Variants in NF2 observed in about 807,000 individuals in gnomAD.
NF2 encodes NF2, moesin-ezrin-radixin like (MERLIN) tumor suppressor, also known as merlin.
NF2 carries 8 observed loss-of-function variants against 83.7 expected under a neutral mutation model. The observed-to-expected ratio is 0.10, with a 90% confidence interval of 0.06 to 0.17. The LOEUF (loss-of-function observed/expected upper bound fraction) is 0.17, where lower values mean the gene tolerates loss of function less well. Among genes scored for constraint, NF2 ranks in the 10% least tolerant of loss-of-function variants. The pLI is 1.00. For missense variants in NF2, 533 were observed against 744.4 expected, an observed-to-expected ratio of 0.72 and a Z score of 3.31; for synonymous variants, 266 against 269.6, an observed-to-expected ratio of 0.99 and a Z score of 0.13.
intron 10 of NF2, among the ~76,000 whole-genome samples, chr22:29,668,723 GC>G (rs1298099689): frequency 2.6e-5 from 4 of 152,220 alleles, no homozygotes; most frequent in Non-Finnish European, 5.9e-5. Flanking sequence ...GGATGAAATA[GC>G]CAAGAGTGCA....
At chr22:29,610,504 A>G (rs569328265) in intron 1 of NF2, among the ~76,000 whole-genome samples, 3 of 151,634 alleles carry the variant, frequency 2.0e-5, no homozygotes, top group East Asian at 3.9e-4. Context: ...TTAGCCGAGC[A>G]TGGTGGAGTG....
At chr22:29,676,540 C>T (rs918008997) in intron 13 of NF2, among the ~76,000 whole-genome samples, 40 of 152,156 alleles carry the variant, frequency 2.6e-4, no homozygotes, top group Admixed American at 7.2e-4. Context: ...CTGCTCTTTC[C>T]TCTTAGCAGT....
chr22:29,644,593 G>A (rs1258959171), intron 4 of NF2, among the ~76,000 whole-genome samples: 29 of 151,140 alleles, frequency 1.9e-4, no homozygotes, highest in Middle Eastern at 3.4e-3. Flanking sequence ...AGGTTGTAGC[G>A]AGCCGAGATC....
At chr22:29,664,198 CTT>C (rs1259316262) in intron 8 of NF2, among the ~76,000 whole-genome samples, 1 of 152,176 alleles carries the variant, frequency 6.6e-6, no homozygotes, top group East Asian at 1.9e-4. Flanking sequence ...GCCTCAAACT[CTT>C]GGCCTCAAGC....
At chr22:29,661,483 C>T (rs1026524383) in intron 8 of NF2, 144 bp downstream of exon 8, 23 of 1,269,212 alleles carry the variant, frequency 1.8e-5, no homozygotes, top group African/African-American at 1.5e-4. Flanking sequence ...TGTTGATTTT[C>T]GAAGTCTTTA....
chr22:29,653,682 C>T (rs528634754), intron 4 of NF2, among the ~76,000 whole-genome samples: 1 of 152,260 alleles, frequency 6.6e-6, no homozygotes, highest in Non-Finnish European at 1.5e-5. Flanking sequence ...CACCAGAAGT[C>T]TTAACTTGAG....
At position 29,678,237 on chromosome 22, in the gene NF2, A is replaced by C. The variant is rs1310563343; in HGVS notation, c.1488A>C (p.Pro496=). The C allele has an allele frequency of 3.7e-6, 6 of 1,614,024 alleles. No individual in the cohort carries two copies. The African/African-American group carries it at 8.0e-5, about 22-fold the overall frequency. The change falls in exon 14 of 16, where the codon CCA becomes CCC. Residue 496 remains proline, a synonymous_variant. Coordinates refer to ENST00000338641, the MANE Select transcript of NF2 (RefSeq NM_000268.4). ...PIPAPLPPDI[P]SFNLIGDSLS... Reference sequence around the variant, plus strand: ...CAGCACCGTTGCCTCCTGACATACCAAGCTTCAACCTCATTGGTGACAGCC... The same window carrying C: ...CAGCACCGTTGCCTCCTGACATACCCAGCTTCAACCTCATTGGTGACAGCC...
At chr22:29,657,109 A>C (rs956210007) in intron 6 of NF2, among the ~76,000 whole-genome samples, 34 of 152,172 alleles carry the variant, frequency 2.2e-4, no homozygotes, top group Non-Finnish European at 7.4e-5. Flanking sequence ...AGGTGAAAAC[A>C]CCAGAGGAAG....
intron 1 of NF2, among the ~76,000 whole-genome samples, chr22:29,622,326 T>G (rs2065235665): frequency 6.6e-6 from 1 of 152,226 alleles, no homozygotes; most frequent in Non-Finnish European, 1.5e-5. Context: ...AAGTGGACAT[T>G]TTCTGTAAGT....
chr22:29,671,366 T>TA (rs2066779408), intron 10 of NF2, among the ~76,000 whole-genome samples: 1 of 152,060 alleles, frequency 6.6e-6, no homozygotes, highest in Non-Finnish European at 1.5e-5. Context: ...TGATCTCTAC[T>TA]AAAAATACAA....
rs1569309694 is a variant in NF2 at position 29,678,296 on chromosome 22, G to A, written c.1547G>A (p.Arg516Gln). 4.3e-6 allele frequency: 7 copies of A among 1,614,032 alleles called. No homozygotes were observed. The highest frequency in any genetic ancestry group is 5.9e-6 in the Non-Finnish European group (7 of 1,179,944). ...GACTTCAAAGATACTGACATGAAGC[G>A]GCTTTCCATGGAGATAGAGAAAGAA... ...SFDFKDTDMK[R>Q]LSMEIEKEKV... Residue 516 changes from arginine to glutamine, a missense_variant, in exon 14 of 16, where the codon CGG becomes CAG. Transcript: ENST00000338641.
At chr22:29,651,304 A>G (rs548230578) in intron 4 of NF2, among the ~76,000 whole-genome samples, 57 of 152,354 alleles carry the variant, frequency 3.7e-4, no homozygotes, top group Admixed American at 2.3e-3. Context: ...AAGTCTTTTA[A>G]ATGGTAAACT....
chr22:29,646,320 G>A (rs2065981227), intron 4 of NF2, among the ~76,000 whole-genome samples: 1 of 152,216 alleles, frequency 6.6e-6, no homozygotes, highest in South Asian at 2.1e-4. Flanking sequence ...GAGCTGGGAT[G>A]GGAACCCTAG....
chr22:29,687,118 C>G (rs1376453637), intron 15 of NF2, among the ~76,000 whole-genome samples: 2 of 152,194 alleles, frequency 1.3e-5, no homozygotes, highest in African/African-American at 2.4e-5. Flanking sequence ...TTCAGTCTCC[C>G]GATCCTGAGC....
chr22:29,680,300 T>C (rs2067092482), intron 14 of NF2, among the ~76,000 whole-genome samples: 1 of 152,090 alleles, frequency 6.6e-6, no homozygotes, highest in South Asian at 2.1e-4. Flanking sequence ...TTAGTAGAGA[T>C]GGGGTTTCAC....
intron 13 of NF2, among the ~76,000 whole-genome samples, chr22:29,676,917 G>T (rs1052371091): frequency 8.0e-6 from 1 of 125,616 alleles, no homozygotes; most frequent in Non-Finnish European, 1.9e-5. Context: ...ACAGTTTGAA[G>T]AATTTTCACA....
rs1023458854 is a variant in NF2 at position 29,695,239 on chromosome 22, C to T, written c.*437C>T. On this transcript the variant is annotated 3_prime_UTR_variant, in exon 16 of 16. Transcript: ENST00000338641. The surrounding 1 kb of genome is among the most constrained non-coding windows in gnomAD (Gnocchi z 5.4). ...CAGGGTTCCGGAACATTCATTCCCC[C>T]ACCGGTGAGGACCTGGCATGCAGCG... The T allele has an allele frequency of 5.6e-6, 2 of 357,808 alleles. No homozygotes were observed. Among genetic ancestry groups the T allele is most frequent in the South Asian group, 7.9e-5 (2 of 25,416 alleles). 22.2% of individuals were successfully genotyped at this position (357,808 alleles called of 1,614,324 possible).
chr22:29,653,877 T>C (rs1343202819), intron 4 of NF2, among the ~76,000 whole-genome samples: 3 of 152,266 alleles, frequency 2.0e-5, no homozygotes, highest in Non-Finnish European at 2.9e-5. Context: ...CGCTGATTGA[T>C]AAGAGATAGG....
At chr22:29,616,265 A>G (rs183577209) in intron 1 of NF2, among the ~76,000 whole-genome samples, 1 of 152,330 alleles carries the variant, frequency 6.6e-6, no homozygotes, top group Admixed American at 6.5e-5. Flanking sequence ...TACACACTGA[A>G]TGTACTAAAA....
Sources: allele counts gnomAD v4.1 joint callset (sites outside exome capture counted in the v4.1 genomes callset), GRCh38; gene constraint gnomAD v4.1.1; non-coding constraint Gnocchi (gnomAD v3.1); transcripts MANE v1.5; gene names NCBI Gene and HGNC (gene_info 2026-07-23, HGNC 2026-07-21).